The following TRIM34 variants were observed in gnomAD, a reference collection of about 807,000 sequenced individuals.
The protein encoded by TRIM34 is tripartite motif containing 34.
Under a neutral mutation model 38.1 loss-of-function variants are expected in TRIM34, and 41 were observed. The observed-to-expected ratio is 1.08, with a 90% CI of 0.84 to 1.40. The LOEUF (loss-of-function observed/expected upper bound fraction) is 1.40. TRIM34 is among the 40% of genes most tolerant of loss of function. TRIM34 has a pLI of 0.00. For synonymous variants in TRIM34, 200 were observed against 202.5 expected (o/e 0.99, Z 0.10); for missense variants, 556 against 571.4 (o/e 0.97, Z 0.27).
chr11:5,632,144 T>A, intron 1 of TRIM34, 111 bp from the exon 2 acceptor site: 1 of 1,455,674 alleles, frequency 6.9e-7, no homozygotes, highest in South Asian at 1.5e-5. Flanking sequence ...TTTCTCTTCC[T>A]CATCTTCTTT....
upstream of TRIM34, among the ~76,000 whole-genome samples, chr11:5,620,814 A>G (rs190405947): frequency 2.5e-3 from 386 of 152,248 alleles, 3 homozygotes; most frequent in African/African-American, 8.9e-3. Flanking sequence ...AATGAAGCAA[A>G]GCCTGTTCTG....
chr11:5,623,828 T>C (rs1849091128), upstream of TRIM34, among the ~76,000 whole-genome samples: 1 of 152,344 alleles, frequency 6.6e-6, no homozygotes, highest in African/African-American at 2.4e-5. Context: ...AACAAGTTTA[T>C]AATTGTCCTT....
chr11:5,643,030 T>C, intron 7 of TRIM34, 114 bp from the exon 8 acceptor site: 2 of 1,289,570 alleles, frequency 1.6e-6, no homozygotes, highest in Non-Finnish European at 2.1e-6. Flanking sequence ...CTTCCCAAGT[T>C]CGTTCATCAC....
At chr11:5,643,035 C>G in intron 7 of TRIM34, 109 bp from the exon 8 acceptor site, 1 of 1,288,724 alleles carries the variant, frequency 7.8e-7, no homozygotes, top group Non-Finnish European at 1.0e-6. Flanking sequence ...CAAGTTCGTT[C>G]ATCACCATGT....
chr11:5,637,249 C>T (rs1045667519), intron 4 of TRIM34, among the ~76,000 whole-genome samples: 5 of 152,138 alleles, frequency 3.3e-5, no homozygotes, highest in Non-Finnish European at 7.4e-5. Context: ...CCTGTAACAG[C>T]TTTCTTTCTA....
At chr11:5,636,195 G>A (rs965254333) in intron 4 of TRIM34, among the ~76,000 whole-genome samples, 1 of 152,148 alleles carries the variant, frequency 6.6e-6, no homozygotes, top group Non-Finnish European at 1.5e-5. Flanking sequence ...GTTTAGCTGT[G>A]AAAAATAATG....
chr11:5,634,977 C>A (rs766620568), intron 4 of TRIM34, 116 bp downstream of exon 4: 2 of 1,080,312 alleles, frequency 1.9e-6, no homozygotes, highest in East Asian at 5.4e-5. Flanking sequence ...GCCGCCTTGT[C>A]GTCCATTCTA....
In TRIM34 at chr11:5,643,512, C is replaced by A; in HGVS notation, c.1270C>A (p.Leu424Ile). The part of the protein sequence containing the change: ...SLSSDPEVLT[L>I]SMAVPPCRVG... ...GTCCTCTGATCCCGAGGTTTTGACTCTCTCCATGGCTGTGCCTCCCTGCCG... is the reference window on the plus strand; with the variant it reads ...GTCCTCTGATCCCGAGGTTTTGACTATCTCCATGGCTGTGCCTCCCTGCCG... The change falls in exon 8 of 8, where the codon CTC becomes ATC. Residue 424 changes from leucine (L) to isoleucine (I), a missense_variant. By Grantham distance (5) the Leu-to-Ile change is conservative. Transcript: ENST00000429814. The A allele has an allele frequency of 6.2e-7, 1 of 1,614,166 alleles. No individual in the cohort carries two copies. The highest frequency in any genetic ancestry group is 1.1e-5 in the South Asian group (1 of 91,084).
chr11:5,625,522 C>T (rs1368638512), intron 1 of TRIM34, among the ~76,000 whole-genome samples: 1 of 152,144 alleles, frequency 6.6e-6, no homozygotes, highest in African/African-American at 2.4e-5. Flanking sequence ...TATGTGGCGT[C>T]AGATAGAATG....
chr11:5,643,702 G>C lies in TRIM34; in HGVS notation c.1460G>C (p.Ser487Thr). Residue 487 changes from serine (S) to threonine (T), a missense_variant, in exon 8 of 8, where the codon AGC becomes ACC. Ser to Thr is a moderately conservative substitution (Grantham distance 58, BLOSUM62 1). Coordinates refer to ENST00000429814, the MANE Select transcript of TRIM34 (RefSeq NM_021616.6). Reference sequence around the variant, plus strand: ...GCTCCCATGACTCTATGCCCACCAAGCTCTTGAATTTTCTCATTTCTTCAC... The same window carrying C: ...GCTCCCATGACTCTATGCCCACCAACCTCTTGAATTTTCTCATTTCTTCAC... ...CPAPMTLCPP[S>T]S is the part of the protein sequence containing the mutation. 1 of 1,576,372 alleles carries C rather than the reference G, an allele frequency of 6.3e-7. No homozygotes were observed. The highest frequency in any genetic ancestry group is 1.4e-5 in the African/African-American group (1 of 73,008).
upstream of TRIM34, among the ~76,000 whole-genome samples, chr11:5,620,494 T>C (rs993026089): frequency 6.6e-6 from 1 of 152,102 alleles, no homozygotes; most frequent in African/African-American, 2.4e-5. Context: ...AGCCACTGCG[T>C]CCAGCCAAGC....
chr11:5,634,164 G>C (rs535078171), intron 3 of TRIM34, among the ~76,000 whole-genome samples: 9 of 152,152 alleles, frequency 5.9e-5, no homozygotes, highest in African/African-American at 2.2e-4. Context: ...TTTTCCAACG[G>C]GGCTCTACTA....
intron 4 of TRIM34, among the ~76,000 whole-genome samples, chr11:5,635,254 ATTT>A (rs35208771): frequency 1.0e-3 from 128 of 128,290 alleles, no homozygotes; most frequent in Middle Eastern, 8.0e-3. Flanking sequence ...TTCCCTGTTA[ATTT>A]TTTTTTTTTT....
chr11:5,643,337 A>G lies in TRIM34; in HGVS notation c.1095A>G (p.Val365=), dbSNP rs1850105510. 1.2e-6 allele frequency: 2 copies of G among 1,614,006 alleles called. No individual in the cohort carries two copies. The highest frequency in any genetic ancestry group is 2.2e-5 in the South Asian group (2 of 91,056). ...AGAAAACTGCCTGGATCCTGGGGGT[A>G]TACTGTAGAACATATTCCCGCCATA... ...VSKKTAWILG[V]YCRTYSRHMK... Residue 365 remains valine (V), a synonymous_variant, in exon 8 of 8, where the codon GTA becomes GTG. Coordinates refer to ENST00000429814, the MANE Select transcript of TRIM34 (RefSeq NM_021616.6).
chr11:5,634,528 C>CACAT (rs772968194), intron 3 of TRIM34, 103 bp from the exon 4 acceptor site: 2 of 536,638 alleles, frequency 3.7e-6, no homozygotes, highest in Non-Finnish European at 5.7e-6. Context: ...CACACACACA[C>CACAT]ACATATATAT....
chr11:5,626,171 C>T (rs892563026), intron 1 of TRIM34, among the ~76,000 whole-genome samples: 1 of 152,194 alleles, frequency 6.6e-6, no homozygotes, highest in African/African-American at 2.4e-5. Flanking sequence ...TAGTCAGGCA[C>T]AAGACCCAAC....
At chr11:5,629,392 C>A (rs1332888379) in intron 1 of TRIM34, among the ~76,000 whole-genome samples, 1 of 152,148 alleles carries the variant, frequency 6.6e-6, no homozygotes, top group Non-Finnish European at 1.5e-5. Context: ...TTCACATTCA[C>A]ATAAGTGAAC....
chr11:5,641,570 C>A, intron 5 of TRIM34, among the ~76,000 whole-genome samples: 1 of 152,106 alleles, frequency 6.6e-6, no homozygotes, highest in Non-Finnish European at 1.5e-5. Flanking sequence ...TAAAATAGGG[C>A]ATGGAGACAG....
intron 4 of TRIM34, among the ~76,000 whole-genome samples, chr11:5,638,335 G>A (rs1034137776): frequency 2.6e-5 from 4 of 152,250 alleles, no homozygotes; most frequent in African/African-American, 4.8e-5. Context: ...AATTGTGACA[G>A]AGGTTTGAGC....
Sources: allele counts gnomAD v4.1 joint callset (sites outside exome capture counted in the v4.1 genomes callset), GRCh38; gene constraint gnomAD v4.1.1; transcripts MANE v1.5; gene names NCBI Gene and HGNC (gene_info 2026-07-23, HGNC 2026-07-21).